SMARCC1: variants seen among roughly 807,000 people sequenced by gnomAD.
The protein encoded by SMARCC1 is SWI/SNF related BAF chromatin remodeling complex subunit C1.
A neutral mutation model predicts 147.4 loss-of-function variants in SMARCC1; 43 were observed. The ratio of observed to expected loss-of-function variants is 0.29; its 90% confidence interval spans 0.23 to 0.38. SMARCC1 has a LOEUF of 0.38. Ranked by LOEUF, SMARCC1 falls within the 10% of genes least tolerant of loss-of-function variation. SMARCC1 has a pLI of 1.00. For missense variants in SMARCC1, 1,119 were observed against 1,381.1 expected (o/e 0.81, Z 3.01); for synonymous variants, 495 against 484.4 (o/e 1.02, Z -0.29).
intron 26 of SMARCC1, among the ~76,000 whole-genome samples, chr3:47,592,000 G>A (rs1415349067): frequency 6.6e-6 from 1 of 152,166 alleles, no homozygotes; most frequent in Non-Finnish European, 1.5e-5. Flanking sequence ...TCTATGTAAG[G>A]ACAACTGTAT....
At chr3:47,658,012 A>C (rs1576401366) in intron 21 of SMARCC1, among the ~76,000 whole-genome samples, 1 of 152,102 alleles carries the variant, frequency 6.6e-6, no homozygotes, top group Middle Eastern at 3.4e-3. Flanking sequence ...AAGCAAGCAG[A>C]AGGAAAAAAT....
chr3:47,698,892 G>T (rs528577139), intron 11 of SMARCC1, among the ~76,000 whole-genome samples: 7 of 152,220 alleles, frequency 4.6e-5, no homozygotes, highest in African/African-American at 1.7e-4. Context: ...GTAGACATGT[G>T]TGATGATTTT....
At chr3:47,775,714 G>A (rs2034966198) in intron 1 of SMARCC1, among the ~76,000 whole-genome samples, 1 of 151,976 alleles carries the variant, frequency 6.6e-6, no homozygotes. Context: ...GCAGGCTGTA[G>A]CGAACCCAGA....
intron 1 of SMARCC1, among the ~76,000 whole-genome samples, chr3:47,774,314 A>G (rs2034949254): frequency 6.6e-6 from 1 of 151,990 alleles, no homozygotes; most frequent in Non-Finnish European, 1.5e-5. Context: ...TCCACTAAAA[A>G]ACAAATACAA....
intron 2 of SMARCC1, among the ~76,000 whole-genome samples, chr3:47,763,787 T>C (rs1436903263): frequency 6.6e-6 from 1 of 152,018 alleles, no homozygotes; most frequent in Non-Finnish European, 1.5e-5. Flanking sequence ...GGCATGATTA[T>C]AGCCCACTGC....
chr3:47,781,526 C>A, intron 1 of SMARCC1, 77 bp downstream of exon 1: 2 of 1,097,316 alleles, frequency 1.8e-6, no homozygotes, highest in East Asian at 3.3e-5. Context: ...GAGGGGCGGC[C>A]CGAGGCCCGC....
chr3:47,700,187 A>C (rs191534855), intron 11 of SMARCC1, among the ~76,000 whole-genome samples: 32 of 152,128 alleles, frequency 2.1e-4, no homozygotes, highest in Admixed American at 7.9e-4. Flanking sequence ...TAAAAAAAAA[A>C]ACCTACCAAT....
At chr3:47,698,126 A>G (rs2033876106) in intron 11 of SMARCC1, among the ~76,000 whole-genome samples, 1 of 151,716 alleles carries the variant, frequency 6.6e-6, no homozygotes, top group African/African-American at 2.4e-5. Flanking sequence ...AAAAAATACA[A>G]TGTCATCAAA....
intron 25 of SMARCC1, among the ~76,000 whole-genome samples, chr3:47,621,298 CAAAAAAA>C (rs1183934374): frequency 3.2e-5 from 2 of 63,228 alleles, no homozygotes; most frequent in East Asian, 9.9e-4. Context: ...GACTCCGTCT[CAAAAAAA>C]AAAAAAAAAA....
At chr3:47,719,329 T>C (rs936247989) in intron 7 of SMARCC1, among the ~76,000 whole-genome samples, 2 of 152,176 alleles carry the variant, frequency 1.3e-5, no homozygotes, top group Non-Finnish European at 2.9e-5. Context: ...GGCAAATAAA[T>C]TTCTGATGAG....
At chr3:47,624,892 A>AT (rs1195724974) in intron 24 of SMARCC1, among the ~76,000 whole-genome samples, 1 of 129,332 alleles carries the variant, frequency 7.7e-6, no homozygotes, top group Non-Finnish European at 1.7e-5. Context: ...TGTACTAAAA[A>AT]TTAAAAAAAA....
chr3:47,712,584 C>T (rs950229662), intron 8 of SMARCC1, among the ~76,000 whole-genome samples: 1 of 152,120 alleles, frequency 6.6e-6, no homozygotes, highest in Non-Finnish European at 1.5e-5. Flanking sequence ...TTTAACTCTC[C>T]TAAGCACAGT....
chr3:47,605,631 G>A (rs2032460172), intron 26 of SMARCC1, among the ~76,000 whole-genome samples: 1 of 152,104 alleles, frequency 6.6e-6, no homozygotes. Flanking sequence ...AAGGCAGTGG[G>A]GTGTCGTGGT....
intron 21 of SMARCC1, among the ~76,000 whole-genome samples, chr3:47,651,476 G>A (rs1200197812): frequency 6.6e-6 from 1 of 152,012 alleles, no homozygotes; most frequent in African/African-American, 2.4e-5. Flanking sequence ...GAGCCTCCTT[G>A]CTGTTCTTCA....
intron 2 of SMARCC1, among the ~76,000 whole-genome samples, chr3:47,754,079 C>G (rs1260006985): frequency 6.6e-6 from 1 of 152,164 alleles, no homozygotes; most frequent in Non-Finnish European, 1.5e-5. Context: ...TGATAGGTCA[C>G]TGCTACCGTA....
chr3:47,658,371 T>C (rs1041580394), intron 21 of SMARCC1, among the ~76,000 whole-genome samples: 1 of 152,216 alleles, frequency 6.6e-6, no homozygotes, highest in Admixed American at 6.5e-5. Flanking sequence ...ACCATCCCCA[T>C]GGTAAAACTT....
intron 21 of SMARCC1, among the ~76,000 whole-genome samples, chr3:47,657,874 ACTTATAGAATGTCGCAAAAGCAGTG>A (rs1410890286): frequency 6.6e-6 from 1 of 152,002 alleles, no homozygotes; most frequent in Non-Finnish European, 1.5e-5. Flanking sequence ...ATACAGCAAA[ACTTATAGAATGTCGCAAAAGCAGTG>A]CTGAGGGAAA....
chr3:47,764,826 T>G (rs2034816584), intron 2 of SMARCC1, among the ~76,000 whole-genome samples: 1 of 152,234 alleles, frequency 6.6e-6, no homozygotes, highest in East Asian at 1.9e-4. Context: ...TTCTCCATGT[T>G]GGCAAATTAT....
At chr3:47,666,901 T>G (rs1297196575) in intron 19 of SMARCC1, among the ~76,000 whole-genome samples, 1 of 152,222 alleles carries the variant, frequency 6.6e-6, no homozygotes, top group Non-Finnish European at 1.5e-5. Flanking sequence ...AATGATATAT[T>G]TCCTGGGTTT....
Sources: allele counts gnomAD v4.1 joint callset (sites outside exome capture counted in the v4.1 genomes callset), GRCh38; gene constraint gnomAD v4.1.1; transcripts MANE v1.5; gene names NCBI Gene and HGNC (gene_info 2026-07-23, HGNC 2026-07-21).